DARS1: variants seen among roughly 807,000 people sequenced by gnomAD.
The protein encoded by DARS1 is aspartyl-tRNA synthetase 1, also known as aspartate--tRNA ligase, cytoplasmic.
DARS1 carries 51 observed loss-of-function variants against 68.8 expected under a neutral mutation model. The observed-to-expected ratio is 0.74, with a 90% CI of 0.59 to 0.94. The LOEUF is 0.94. DARS1 is among the 40% of genes least tolerant of loss of function. The pLI is 0.00. For synonymous variants in DARS1, 203 were observed against 190.4 expected (o/e 1.07, Z -0.55); for missense variants, 607 against 597.3 (o/e 1.02, Z -0.17).
chr2:135,917,307 TTGA>T (rs1681026272), intron 10 of DARS1, among the ~76,000 whole-genome samples: 1 of 152,192 alleles, frequency 6.6e-6, no homozygotes, highest in African/African-American at 2.4e-5. Context: ...CTGAAACTGG[TTGA>T]TGAGTTCATG....
chr2:135,968,510 A>C (rs971383775), intron 3 of DARS1, among the ~76,000 whole-genome samples: 3 of 152,130 alleles, frequency 2.0e-5, no homozygotes, highest in African/African-American at 7.2e-5. Context: ...GAGGGCATCA[A>C]GGTGAAAAGC....
intron 2 of DARS1, among the ~76,000 whole-genome samples, chr2:135,980,267 G>T (rs747289951): frequency 6.6e-6 from 1 of 152,128 alleles, no homozygotes; most frequent in African/African-American, 2.4e-5. Flanking sequence ...TGTATACAAC[G>T]CAACATTCAA....
At position 135,983,492 on chromosome 2, in the gene DARS1, A is replaced by G. The variant is rs41269823; in HGVS notation, c.67-38T>C. ...TTTTTTGCATCGTGACTTTTTATGT[A>G]AACACTAAGAGCACAGTAAACACAT... On this transcript the variant is annotated intron_variant, in intron 1 of 15. Transcript: ENST00000264161. The G allele has an allele frequency of 1.9e-3, 1,478 of 787,878 alleles. 5 individuals are homozygous for G. The highest frequency in any genetic ancestry group is 2.7e-3 in the Non-Finnish European group (1,226 of 454,156). The allele number at this position is 787,878 out of a possible 1,614,324, so 48.8% of individuals were successfully genotyped here.
intron 5 of DARS1, among the ~76,000 whole-genome samples, chr2:135,938,325 G>T (rs1355894597): frequency 6.6e-6 from 1 of 152,118 alleles, no homozygotes; most frequent in Admixed American, 6.6e-5. Flanking sequence ...CTGTGCCATG[G>T]TTTTCAGCTC....
At chr2:135,927,569 T>C (rs1396479211) in intron 7 of DARS1, among the ~76,000 whole-genome samples, 1 of 152,030 alleles carries the variant, frequency 6.6e-6, no homozygotes, top group African/African-American at 2.4e-5. Context: ...TTCCATAATA[T>C]GTAAAAAAAA....
chr2:135,966,183 T>TC (rs955303509), intron 3 of DARS1, among the ~76,000 whole-genome samples: 2 of 151,804 alleles, frequency 1.3e-5, no homozygotes, highest in African/African-American at 4.9e-5. Context: ...TTTTTTTTTT[T>TC]CTGCAAGAAC....
At chr2:135,978,142 C>CAAAAAAAAAAAAAAAA (rs59505882) in intron 3 of DARS1, among the ~76,000 whole-genome samples, 684 of 54,258 alleles carry the variant, frequency 0.013, 2 homozygotes, top group Non-Finnish European at 0.015. Context: ...GACTCTGTCT[C>CAAAAAAAAAAAAAAAA]AAAAAAAAAA....
chr2:135,985,670 C>T (rs1260780786), upstream of DARS1: 6 of 1,347,354 alleles, frequency 4.5e-6, no homozygotes, highest in Non-Finnish European at 4.9e-6. Flanking sequence ...CGCTGGCGGC[C>T]GCGCGCAGGG....
At position 135,920,575 on chromosome 2, in the gene DARS1, G is replaced by A; in HGVS notation, c.837C>T (p.Thr279=). The change falls in exon 10 of 16, where the codon ACC becomes ACT. Residue 279 remains threonine (T), a synonymous_variant. Coordinates refer to ENST00000264161, the MANE Select transcript of DARS1 (RefSeq NM_001349.4). ...CAACAAACTCAGTTAGATGTCTATGGGTATTAGAGTCTTCCGCTCTGAATA... is the reference window on the plus strand; with the variant it reads ...CAACAAACTCAGTTAGATGTCTATGAGTATTAGAGTCTTCCGCTCTGAATA... ...GPVFRAEDSN[T]HRHLTEFVGL... 1 of 1,611,640 alleles carries A rather than the reference G, an allele frequency of 6.2e-7. No individual in the cohort carries two copies. Among genetic ancestry groups the A allele is most frequent in the Non-Finnish European group, 8.5e-7 (1 of 1,179,272 alleles).
chr2:135,956,046 T>C (rs557086222), intron 4 of DARS1, among the ~76,000 whole-genome samples: 3 of 152,312 alleles, frequency 2.0e-5, no homozygotes, highest in African/African-American at 7.2e-5. Context: ...ACACTAGACC[T>C]CAGACTTTTA....
chr2:135,949,447 G>C (rs924141397), intron 4 of DARS1, among the ~76,000 whole-genome samples: 1 of 152,046 alleles, frequency 6.6e-6, no homozygotes, highest in African/African-American at 2.4e-5. Context: ...AAAGAATAAA[G>C]GGATAATATC....
rs1297029921 is a variant in DARS1, at chr2:135,922,861, T to C, written c.734A>G (p.Tyr245Cys). Residue 245 changes from tyrosine to cysteine, a missense_variant, in exon 9 of 16, where the codon TAC becomes TGC. Coordinates refer to ENST00000264161, the MANE Select transcript of DARS1 (RefSeq NM_001349.4). ...ATATAGCTGTGGGGACTGAGCCAGG[T>C]ATGCATTATTTTTAAAATATGACAC... Reference protein sequence around the residue: ...FTVSYFKNNAYLAQSPQLYKQ... With the variant: ...FTVSYFKNNACLAQSPQLYKQ... 3.2e-6 allele frequency: 5 copies of C among 1,585,992 alleles called. No individual in the cohort carries two copies. Among genetic ancestry groups the C allele is most frequent in the Non-Finnish European group, 4.3e-6 (5 of 1,167,378 alleles).
intron 4 of DARS1, among the ~76,000 whole-genome samples, chr2:135,945,113 C>A (rs535509607): frequency 6.6e-6 from 1 of 152,186 alleles, no homozygotes; most frequent in East Asian, 1.9e-4. Context: ...TTCAGGCCAA[C>A]TCAAGTCAAA....
In DARS1 at chr2:135,911,416, T is replaced by A. The variant is rs751541575; in HGVS notation, c.1308A>T (p.Gln436His). 9.7e-7 allele frequency: 1 copy of A among 1,034,408 alleles called. No homozygotes were observed. Among genetic ancestry groups the A allele is most frequent in the Non-Finnish European group, 1.5e-6 (1 of 649,692 alleles). 64.1% of individuals were successfully genotyped at this position (1,034,408 alleles called of 1,614,324 possible). ...LSGAQRIHDP[Q>H]LLTERALHHG... ...GATGTAAAGCTCTCTCTGTTAGCAGTTGAGGATCATGTATTCTTTGAGCTC... is the reference window on the plus strand; with the variant it reads ...GATGTAAAGCTCTCTCTGTTAGCAGATGAGGATCATGTATTCTTTGAGCTC... The change falls in exon 14 of 16, where the codon CAA becomes CAT. Residue 436 changes from glutamine (Q) to histidine (H), a missense_variant. By Grantham distance (24) the Gln-to-His change is conservative. Transcript: ENST00000264161.
intron 4 of DARS1, among the ~76,000 whole-genome samples, chr2:135,954,319 CAAAACCAAAAAAAA>C (rs1681912722): frequency 1.8e-5 from 1 of 55,826 alleles, no homozygotes; most frequent in Non-Finnish European, 3.7e-5. Flanking sequence ...ACCAAAAAAA[CAAAACCAAAAAAAA>C]AAAAAAAAAA....
chr2:135,965,588 G>A (rs1273136550), intron 3 of DARS1, among the ~76,000 whole-genome samples: 1 of 152,186 alleles, frequency 6.6e-6, no homozygotes, highest in East Asian at 1.9e-4. Context: ...CTCAATGCTT[G>A]GGAGAATTAA....
intron 4 of DARS1, among the ~76,000 whole-genome samples, chr2:135,946,102 G>T (rs533519328): frequency 6.6e-6 from 1 of 152,230 alleles, no homozygotes; most frequent in Non-Finnish European, 1.5e-5. Context: ...CTATCCGAGG[G>T]TTTTATGTGT....
rs1255861357 is a variant in DARS1 at position 135,906,074 on chromosome 2, A to C, written c.*1242T>G. 6.6e-6 allele frequency among the ~76,000 whole-genome samples: 1 copy of C among 152,212 alleles called. No homozygotes were observed. The highest frequency in any genetic ancestry group is 2.4e-5 in the African/African-American group (1 of 41,438). ...TCTATATTTAAGGTATTCTGGTAGG[A>C]TATGAAAGAAAAAAATAAGAACTGA... On this transcript the variant is annotated 3_prime_UTR_variant, in exon 16 of 16. Coordinates refer to ENST00000264161, the MANE Select transcript of DARS1 (RefSeq NM_001349.4).
At chr2:135,961,754 C>T (rs926820102) in intron 3 of DARS1, among the ~76,000 whole-genome samples, 1 of 152,114 alleles carries the variant, frequency 6.6e-6, no homozygotes, top group African/African-American at 2.4e-5. Flanking sequence ...AGGCAAATCA[C>T]CAATTTCAAA....
Sources: gnomAD v4.1 joint callset for allele counts (sites outside exome capture counted in the v4.1 genomes callset) on GRCh38, gnomAD v4.1.1 for gene constraint, MANE v1.5 for transcripts, NCBI Gene and HGNC (gene_info 2026-07-23, HGNC 2026-07-21) for gene names.